The following C1orf21 variants were observed in gnomAD, a reference collection of about 807,000 sequenced individuals.
C1orf21 encodes chromosome 1 open reading frame 21.
C1orf21 carries 3 observed loss-of-function variants against 18.7 expected under a neutral mutation model. That is an observed-to-expected ratio of 0.16 (90% CI 0.07 to 0.42). The LOEUF is 0.42. Ranked by LOEUF, C1orf21 falls within the 10% of genes least tolerant of loss-of-function variation. The probability of loss-of-function intolerance (pLI) is 0.99; values close to 1 mark genes in which losing one functional copy is unlikely to be tolerated. For missense variants in C1orf21, 104 were observed against 143.6 expected (o/e 0.72, Z 1.41); for synonymous variants, 41 against 46.4 (o/e 0.88, Z 0.47).
chr1:184,458,863 G>A (rs1224045643), intron 1 of C1orf21, among the ~76,000 whole-genome samples: 1 of 152,124 alleles, frequency 6.6e-6, no homozygotes, highest in Non-Finnish European at 1.5e-5. Flanking sequence ...TTGAATAAAT[G>A]ATTTTGTGGC....
At chr1:184,589,498 G>T (rs1659407760) in intron 3 of C1orf21, among the ~76,000 whole-genome samples, 1 of 152,188 alleles carries the variant, frequency 6.6e-6, no homozygotes, top group African/African-American at 2.4e-5. Flanking sequence ...CACCTGCTTT[G>T]TAAAAGATTA....
Position 184,451,139 on chromosome 1 carries a change from A to G in C1orf21, c.-124-26247A>G, listed in dbSNP as rs561340003. Among the ~76,000 whole-genome samples, 3 of 152,210 alleles carry G rather than the reference A, an allele frequency of 2.0e-5. No individual in the cohort carries two copies. In the East Asian group the frequency reaches 5.8e-4, roughly 29 times the overall value. On this transcript the variant is annotated intron_variant, in intron 1 of 5. Transcript: ENST00000235307. ...GTGATCCGTCTGCCTCGGCCTCCCA[A>G]ACTGCTGGGATTACAGGTGTGAACT... is the stretch of plus-strand genomic sequence containing the variant.
intron 2 of C1orf21, among the ~76,000 whole-genome samples, chr1:184,487,486 G>A (rs752382145): frequency 2.0e-5 from 3 of 152,216 alleles, no homozygotes; most frequent in East Asian, 3.8e-4. Flanking sequence ...GAAGTGGGAC[G>A]GTGGCTACAA....
chr1:184,589,080 A>G lies in C1orf21; in HGVS notation c.190-1659A>G, dbSNP rs191228781. Among the ~76,000 whole-genome samples the G allele has an allele frequency of 6.4e-3, 976 of 152,330 alleles. 5 individuals carry two copies. Among genetic ancestry groups the G allele is most frequent in the Middle Eastern group, 0.044 (13 of 294 alleles). On this transcript the variant is annotated intron_variant, in intron 3 of 5. Transcript: ENST00000235307. ...TGGAATATAAACAACATACCACTGT[A>G]TATCCTTTGCATTTTTAGAATTAGA... is the stretch of plus-strand genomic sequence containing the variant.
chr1:184,443,759 G>T (rs968968907), intron 1 of C1orf21, among the ~76,000 whole-genome samples: 3 of 152,132 alleles, frequency 2.0e-5, no homozygotes, highest in Admixed American at 2.0e-4. Flanking sequence ...CTACAGAAAT[G>T]ATAGCAGGCC....
intron 3 of C1orf21, among the ~76,000 whole-genome samples, chr1:184,568,209 G>A (rs1391434585): frequency 6.6e-6 from 1 of 152,190 alleles, no homozygotes; most frequent in African/African-American, 2.4e-5. Flanking sequence ...ACAAAAAATT[G>A]TGGTAAAATA....
chr1:184,394,151 G>C (rs1236441702), intron 1 of C1orf21, among the ~76,000 whole-genome samples: 1 of 152,184 alleles, frequency 6.6e-6, no homozygotes, highest in African/African-American at 2.4e-5. Flanking sequence ...TACTTCAAAA[G>C]TAGATCCAAC....
intron 3 of C1orf21, among the ~76,000 whole-genome samples, chr1:184,519,102 C>T (rs894303305): frequency 3.3e-5 from 5 of 152,020 alleles, no homozygotes; most frequent in South Asian, 4.1e-4. Context: ...GTATTTGTAA[C>T]GACAGAATAA....
chr1:184,533,926 A>C (rs1445285394), intron 3 of C1orf21, among the ~76,000 whole-genome samples: 1 of 152,206 alleles, frequency 6.6e-6, no homozygotes. Context: ...CATGATACTC[A>C]GACCTATGGG....
intron 3 of C1orf21, among the ~76,000 whole-genome samples, chr1:184,515,536 C>A (rs1490738953): frequency 6.6e-6 from 1 of 152,152 alleles, no homozygotes; most frequent in East Asian, 1.9e-4. Flanking sequence ...AAGTATATTA[C>A]CCCAGACTTG....
intron 3 of C1orf21, among the ~76,000 whole-genome samples, chr1:184,533,129 C>T (rs1025289009): frequency 6.6e-6 from 1 of 152,102 alleles, no homozygotes; most frequent in Admixed American, 6.6e-5. Context: ...TCTCACTCCT[C>T]TCTGGGGTCC....
chr1:184,557,493 G>A (rs1190309157), intron 3 of C1orf21, among the ~76,000 whole-genome samples: 2 of 152,104 alleles, frequency 1.3e-5, no homozygotes, highest in African/African-American at 4.8e-5. Flanking sequence ...GAGTGAGAAC[G>A]TACAATGTTT....
intron 3 of C1orf21, among the ~76,000 whole-genome samples, chr1:184,562,451 G>C (rs372543734): frequency 1.3e-5 from 2 of 152,328 alleles, no homozygotes; most frequent in Admixed American, 1.3e-4. Flanking sequence ...CAGTCAACAA[G>C]TGTTCACTGA....
chr1:184,500,352 A>G (rs1489483657), intron 2 of C1orf21, among the ~76,000 whole-genome samples: 1 of 152,184 alleles, frequency 6.6e-6, no homozygotes, highest in Non-Finnish European at 1.5e-5. Flanking sequence ...GAATGATGAA[A>G]TGATTCAGGA....
intron 2 of C1orf21, 89 bp from the exon 3 acceptor site, chr1:184,507,499 G>A (rs186801474): frequency 2.7e-6 from 3 of 1,125,124 alleles, no homozygotes; most frequent in Admixed American, 2.7e-5. Flanking sequence ...AAAGGGTCTA[G>A]CAAATTACAC....
intron 3 of C1orf21, among the ~76,000 whole-genome samples, chr1:184,529,716 G>A (rs971068312): frequency 6.6e-6 from 1 of 152,158 alleles, no homozygotes; most frequent in African/African-American, 2.4e-5. Context: ...TCAGGTGGGA[G>A]GAAAATCAGA....
chr1:184,416,015 C>T (rs924720710), intron 1 of C1orf21, among the ~76,000 whole-genome samples: 1 of 112,690 alleles, frequency 8.9e-6, no homozygotes, highest in African/African-American at 7.6e-5. Flanking sequence ...ATTTGGATAA[C>T]ATGTAAGAAC....
rs143148590 is a variant in C1orf21 at position 184,626,920 on chromosome 1, G to A, written c.*7364G>A. 1 of 152,660 alleles carries A rather than the reference G, an allele frequency of 6.6e-6. No individual in the cohort carries two copies. The highest frequency in any genetic ancestry group is 1.9e-4 in the East Asian group (1 of 5,174). 9.5% of individuals were successfully genotyped at this position (152,660 alleles called of 1,614,324 possible). A position where few individuals can be genotyped will look rare whatever the true frequency, so the allele number is the denominator to read the frequency against. On this transcript the variant is annotated 3_prime_UTR_variant, in exon 6 of 6. Transcript: ENST00000235307. The stretch of plus-strand genomic sequence containing the variant: ...GAATGCACCCTAAAATAAATATACG[G>A]GAAGCAGCAGAGGGCTTCCCTGTCT...
chr1:184,396,825 C>CA (rs1176981289), intron 1 of C1orf21, among the ~76,000 whole-genome samples: 3 of 152,166 alleles, frequency 2.0e-5, no homozygotes, highest in Non-Finnish European at 4.4e-5. Context: ...ATGCTAATAA[C>CA]ATCCCCCCAC....
Sources: gnomAD v4.1 joint callset for allele counts (sites outside exome capture counted in the v4.1 genomes callset) on GRCh38, gnomAD v4.1.1 for gene constraint, MANE v1.5 for transcripts, NCBI Gene and HGNC (gene_info 2026-07-23, HGNC 2026-07-21) for gene names.